CORO1C: variants seen among roughly 807,000 people sequenced by gnomAD.
The protein encoded by CORO1C is coronin-1C.
Under a neutral mutation model 51.2 loss-of-function variants are expected in CORO1C, and 14 were observed. That is an observed-to-expected ratio of 0.27 (90% CI 0.18 to 0.43). The LOEUF (loss-of-function observed/expected upper bound fraction) is 0.43, where lower values mean the gene tolerates loss of function less well. CORO1C is among the 20% of genes least tolerant of loss of function. The pLI, the probability that CORO1C is intolerant of heterozygous loss-of-function variation, is 1.00. For synonymous variants in CORO1C, 181 were observed against 210.5 expected, an observed-to-expected ratio of 0.86 and a Z score of 1.21; for missense variants, 417 against 607.8, an observed-to-expected ratio of 0.69 and a Z score of 3.30.
rs1195321674 is a variant in CORO1C at position 108,731,324 on chromosome 12, C to T, written c.-6+105G>A. 6.5e-6 allele frequency: 1 copy of T among 153,114 alleles called. No homozygotes were observed. Among genetic ancestry groups the T allele is most frequent in the South Asian group, 2.1e-4 (1 of 4,864 alleles). 9.5% of individuals were successfully genotyped at this position (153,114 alleles called of 1,614,324 possible). The stretch of plus-strand genomic sequence containing the variant: ...CTGTCCCCTCCACCTAGCCCTGCCC[C>T]TCGCCCCGCCGGCTCCTGTCAGGCG... On this transcript the variant is annotated intron_variant, in intron 1 of 10. Transcript: ENST00000261401. The surrounding 1 kb of genome is among the most constrained non-coding windows in gnomAD (Gnocchi z 5.2).
At chr12:108,672,602 C>A (rs2033758712) in intron 3 of CORO1C, among the ~76,000 whole-genome samples, 1 of 151,092 alleles carries the variant, frequency 6.6e-6, no homozygotes. Flanking sequence ...TAGGTAAATA[C>A]AGGCATACCT....
intron 2 of CORO1C, among the ~76,000 whole-genome samples, chr12:108,684,079 GTA>G (rs1257314131): frequency 6.6e-6 from 1 of 152,184 alleles, no homozygotes; most frequent in African/African-American, 2.4e-5. Context: ...GCAAGAAGAG[GTA>G]TGCAACATAC....
chr12:108,666,955 A>G (rs1199891505), intron 3 of CORO1C, among the ~76,000 whole-genome samples: 2 of 152,300 alleles, frequency 1.3e-5, no homozygotes, highest in Admixed American at 6.5e-5. Flanking sequence ...GTGACCCTTA[A>G]CAAAACTGCC....
chr12:108,656,006 G>A (rs1404398948), intron 6 of CORO1C, among the ~76,000 whole-genome samples: 2 of 151,186 alleles, frequency 1.3e-5, no homozygotes, highest in Admixed American at 6.6e-5. Flanking sequence ...CGTCTGGGAT[G>A]TGAGGAGCGC....
intron 3 of CORO1C, among the ~76,000 whole-genome samples, chr12:108,675,785 G>A (rs1381058383): frequency 3.3e-5 from 5 of 152,174 alleles, no homozygotes; most frequent in African/African-American, 1.2e-4. Context: ...CCCAGACACT[G>A]TGACATCATG....
At chr12:108,661,012 T>G (rs928516251) in intron 4 of CORO1C, among the ~76,000 whole-genome samples, 1 of 152,202 alleles carries the variant, frequency 6.6e-6, no homozygotes, top group African/African-American at 2.4e-5. Flanking sequence ...AAATCCTATC[T>G]CTAACATTAG....
At chr12:108,717,002 G>A (rs1309472986) in intron 1 of CORO1C, among the ~76,000 whole-genome samples, 1 of 152,234 alleles carries the variant, frequency 6.6e-6, no homozygotes, top group Non-Finnish European at 1.5e-5. Context: ...GTCCACTGCA[G>A]GAGACACAAC....
At chr12:108,692,371 G>C (rs891335195) in intron 2 of CORO1C, among the ~76,000 whole-genome samples, 1 of 152,206 alleles carries the variant, frequency 6.6e-6, no homozygotes, top group Non-Finnish European at 1.5e-5. Context: ...AAGGGCTACC[G>C]GCACTGCCAC....
chr12:108,679,109 CAAAAAAAAAAAAAA>C (rs1183326267), intron 2 of CORO1C, among the ~76,000 whole-genome samples: 4 of 22,160 alleles, frequency 1.8e-4, no homozygotes, highest in Admixed American at 1.7e-3. Context: ...GACTCTGTCT[CAAAAAAAAAAAAAA>C]AAAAAAGAAA....
At position 108,729,105 on chromosome 12, in the gene CORO1C, T is replaced by C. The variant is rs140239359; in HGVS notation, c.-6+2324A>G. ...AGAAGAGACTCGTCGACATACCCAC[T>C]TATATAACTAAGAATTGATATTCAT... On this transcript the variant is annotated intron_variant, in intron 1 of 10. Coordinates refer to ENST00000261401, the MANE Select transcript of CORO1C (RefSeq NM_014325.4). Among the ~76,000 whole-genome samples the C allele has an allele frequency of 6.4e-3, 976 of 152,294 alleles. 6 individuals carry two copies. Among genetic ancestry groups the C allele is most frequent in the Non-Finnish European group, 0.01 (683 of 68,002 alleles).
rs571036715 is a variant in CORO1C at position 108,648,543 on chromosome 12, A to G, written c.1305+62T>C. On this transcript the variant is annotated intron_variant, in intron 10 of 10. Transcript: ENST00000261401. ...GTACTCGCCGACGCCCTGGACCACA[A>G]GGGCTTTCTAGAGGATAAAGCCTGA... 2.5e-5 allele frequency: 40 copies of G among 1,603,586 alleles called. 1 individual carries two copies. Among genetic ancestry groups the G allele is most frequent in the Middle Eastern group, 2.0e-4 (1 of 5,100 alleles).
chr12:108,678,552 G>A (rs1370790762), intron 2 of CORO1C, among the ~76,000 whole-genome samples, 158 bp from the exon 3 acceptor site: 1 of 151,946 alleles, frequency 6.6e-6, no homozygotes, highest in Admixed American at 6.6e-5. Flanking sequence ...TCTAGAAAAA[G>A]CCACTACCAA....
rs1293169380 is a variant in CORO1C at position 108,646,709 on chromosome 12, A to G, written c.*694T>C. The G allele has an allele frequency of 6.6e-6, 1 of 152,350 alleles. No individual in the cohort carries two copies. Among genetic ancestry groups the G allele is most frequent in the African/African-American group, 2.4e-5 (1 of 41,456 alleles). The allele number at this position is 152,350 out of a possible 1,614,324, so 9.4% of individuals were successfully genotyped here. A position where few individuals can be genotyped will look rare whatever the true frequency, so the allele number is the denominator to read the frequency against. ...CTTTTTTGATCAGAAGACTCCATGAAATGAGAGCGGTGGTAATATGAATCC... is the reference window on the plus strand; with the variant it reads ...CTTTTTTGATCAGAAGACTCCATGAGATGAGAGCGGTGGTAATATGAATCC... On this transcript the variant is annotated 3_prime_UTR_variant, in exon 11 of 11. Coordinates refer to ENST00000261401, the MANE Select transcript of CORO1C (RefSeq NM_014325.4).
chr12:108,710,760 C>T (rs973987121), intron 1 of CORO1C, among the ~76,000 whole-genome samples: 3 of 151,910 alleles, frequency 2.0e-5, no homozygotes, highest in African/African-American at 2.4e-5. Context: ...GATGGGGTTT[C>T]GCCATGTTGG....
chr12:108,710,325 GC>G (rs546781559), intron 1 of CORO1C, among the ~76,000 whole-genome samples: 70 of 152,178 alleles, frequency 4.6e-4, no homozygotes, highest in African/African-American at 1.6e-3. Context: ...ATTACGGGCT[GC>G]TCTGCCTATG....
intron 1 of CORO1C, among the ~76,000 whole-genome samples, chr12:108,723,220 C>T (rs1454727785): frequency 6.6e-6 from 1 of 152,204 alleles, no homozygotes; most frequent in Non-Finnish European, 1.5e-5. Context: ...GATGACAGCG[C>T]ACTTTCACGT....
At chr12:108,676,048 T>C (rs1187317011) in intron 3 of CORO1C, among the ~76,000 whole-genome samples, 1 of 152,178 alleles carries the variant, frequency 6.6e-6, no homozygotes, top group Admixed American at 6.5e-5. Context: ...AATCTTTAGA[T>C]TAAGACTTAA....
At chr12:108,670,442 G>T (rs2033674653) in intron 3 of CORO1C, among the ~76,000 whole-genome samples, 2 of 152,116 alleles carry the variant, frequency 1.3e-5, no homozygotes, top group Non-Finnish European at 1.5e-5. Context: ...TTCCAGGATG[G>T]GCCCACAAAG....
intron 2 of CORO1C, among the ~76,000 whole-genome samples, chr12:108,694,711 T>C (rs1305968199): frequency 6.6e-6 from 1 of 152,216 alleles, no homozygotes; most frequent in African/African-American, 2.4e-5. Context: ...AGCTTTCTCT[T>C]GCTATTGAAA....
Sources: allele counts gnomAD v4.1 joint callset (sites outside exome capture counted in the v4.1 genomes callset), GRCh38; gene constraint gnomAD v4.1.1; non-coding constraint Gnocchi (gnomAD v3.1); transcripts MANE v1.5; gene names NCBI Gene and HGNC (gene_info 2026-07-23, HGNC 2026-07-21).